The following TNS3 variants were observed in gnomAD, a reference collection of about 807,000 sequenced individuals.
TNS3 encodes the protein tensin-3.
A neutral mutation model predicts 140.9 loss-of-function variants in TNS3; 45 were observed. The ratio of observed to expected loss-of-function variants is 0.32; its 90% CI spans 0.25 to 0.41. The LOEUF is 0.41. Ranked by LOEUF, TNS3 falls within the 10% of genes least tolerant of loss-of-function variation. The pLI is 1.00. For synonymous variants in TNS3, 815 were observed against 788.4 expected (o/e 1.03, Z -0.56); for missense variants, 1,716 against 1,906.7 (o/e 0.90, Z 1.86).
chr7:47,508,888 G>A (rs1194772780), intron 2 of TNS3, among the ~76,000 whole-genome samples: 2 of 152,152 alleles, frequency 1.3e-5, no homozygotes, highest in East Asian at 3.9e-4. Context: ...ACAAACAGCT[G>A]GCCCCAGCTT....
In TNS3 at chr7:47,278,437, G is replaced by C. The variant is rs1480436142; in HGVS notation, c.4194-217C>G. 5 of 564,318 alleles carry C rather than the reference G, an allele frequency of 8.9e-6. No individual in the cohort carries two copies. In the East Asian group the frequency reaches 1.5e-4, roughly 17 times the overall value. The allele number at this position is 564,318 out of a possible 1,614,324, so 35.0% of individuals were successfully genotyped here. On this transcript the variant is annotated intron_variant, in intron 30 of 30. Transcript: ENST00000311160. ...ATGTCTGACTCTAGCTCTGCAGTGA[G>C]GACCCTGAGGCTGAGAGGTGAGTGC...
chr7:47,283,073 G>T (rs1328464600), intron 28 of TNS3, among the ~76,000 whole-genome samples: 1 of 152,176 alleles, frequency 6.6e-6, no homozygotes, highest in African/African-American at 2.4e-5. Flanking sequence ...CAAAATAATT[G>T]CATCTGAAAT....
At chr7:47,471,091 T>A (rs560972888) in intron 4 of TNS3, among the ~76,000 whole-genome samples, 1 of 152,226 alleles carries the variant, frequency 6.6e-6, no homozygotes, top group South Asian at 2.1e-4. Context: ...GGGGCGCAGT[T>A]CCCAGAAACC....
At chr7:47,395,185 G>C (rs1484526471) in intron 16 of TNS3, among the ~76,000 whole-genome samples, 1 of 151,992 alleles carries the variant, frequency 6.6e-6, no homozygotes, top group Non-Finnish European at 1.5e-5. Flanking sequence ...CATGAGACTC[G>C]GCACAGCCAC....
chr7:47,474,545 G>A (rs1174583496), intron 4 of TNS3, among the ~76,000 whole-genome samples: 5 of 129,366 alleles, frequency 3.9e-5, no homozygotes, highest in Non-Finnish European at 8.1e-5. Context: ...ACACACTTCA[G>A]CACAACACAC....
chr7:47,293,648 T>C lies in TNS3; in HGVS notation c.3772+85A>G, dbSNP rs1421808258. ...TATGAGTAAACCACCATAAGAGTGA[T>C]AGTCCCAAATCTCAGGTTGGTGAGC... On this transcript the variant is annotated intron_variant, in intron 25 of 30. Coordinates refer to ENST00000311160, the MANE Select transcript of TNS3 (RefSeq NM_022748.12). 3 of 1,166,458 alleles carry C rather than the reference T, an allele frequency of 2.6e-6. No homozygotes were observed. In the East Asian group the frequency reaches 7.0e-5, roughly 27 times the overall value. The allele number at this position is 1,166,458 out of a possible 1,614,324, so 72.3% of individuals were successfully genotyped here.
At chr7:47,349,276 CA>C (rs1305554039) in intron 17 of TNS3, among the ~76,000 whole-genome samples, 2 of 152,174 alleles carry the variant, frequency 1.3e-5, no homozygotes, top group East Asian at 1.9e-4. Context: ...AAAAAAGTCT[CA>C]AAAAAAATGT....
At chr7:47,536,687 C>A (rs1799610309) in intron 1 of TNS3, among the ~76,000 whole-genome samples, 1 of 152,204 alleles carries the variant, frequency 6.6e-6, no homozygotes, top group African/African-American at 2.4e-5. Context: ...GACGCCCCCA[C>A]TAGGCAAAGC....
At chr7:47,546,076 C>G (rs1799912503) in intron 1 of TNS3, among the ~76,000 whole-genome samples, 1 of 152,198 alleles carries the variant, frequency 6.6e-6, no homozygotes, top group Non-Finnish European at 1.5e-5. Flanking sequence ...CCTGGAGCCT[C>G]CCCCAGGAGG....
At chr7:47,495,084 G>A (rs866010888) in intron 3 of TNS3, among the ~76,000 whole-genome samples, 1 of 151,546 alleles carries the variant, frequency 6.6e-6, no homozygotes. Context: ...CCAGCTACTC[G>A]GGAGGCTGAG....
intron 13 of TNS3, among the ~76,000 whole-genome samples, chr7:47,408,716 C>G (rs1421542450): frequency 6.6e-6 from 1 of 152,230 alleles, no homozygotes; most frequent in African/African-American, 2.4e-5. Flanking sequence ...CCTACAAAAT[C>G]TGGTTTCAAC....
chr7:47,481,681 G>A (rs919079480), intron 3 of TNS3: 102 of 985,320 alleles, frequency 1.0e-4, no homozygotes, highest in Non-Finnish European at 1.2e-4. Flanking sequence ...ACAAGAGACG[G>A]GGAGAGGAGA....
intron 16 of TNS3, among the ~76,000 whole-genome samples, chr7:47,392,275 A>G (rs1406727209): frequency 6.6e-6 from 1 of 152,142 alleles, no homozygotes; most frequent in Admixed American, 6.5e-5. Flanking sequence ...GGCGTTTGTA[A>G]TCACTTGCCC....
At chr7:47,466,754 C>T (rs957879917) in intron 4 of TNS3, among the ~76,000 whole-genome samples, 7 of 152,190 alleles carry the variant, frequency 4.6e-5, no homozygotes, top group African/African-American at 1.7e-4. Flanking sequence ...GGACCAGAGC[C>T]TAGAGCCAGA....
intron 1 of TNS3, among the ~76,000 whole-genome samples, chr7:47,577,522 A>G (rs1049204762): frequency 6.6e-6 from 1 of 152,202 alleles, no homozygotes; most frequent in African/African-American, 2.4e-5. Context: ...TGGGGACTGC[A>G]CAAACCCCTC....
At chr7:47,463,352 G>A (rs965611834) in intron 4 of TNS3, among the ~76,000 whole-genome samples, 4 of 152,228 alleles carry the variant, frequency 2.6e-5, no homozygotes, top group Non-Finnish European at 5.9e-5. Context: ...GCTGGGGCAT[G>A]AGAATCACTT....
At chr7:47,326,910 C>T (rs761996221) in intron 20 of TNS3, among the ~76,000 whole-genome samples, 2 of 152,184 alleles carry the variant, frequency 1.3e-5, no homozygotes, top group African/African-American at 4.8e-5. Context: ...TGTCTCAGAG[C>T]GGCTGCAGTG....
At chr7:47,428,982 A>AG (rs1188680343) in intron 8 of TNS3, among the ~76,000 whole-genome samples, 2 of 152,214 alleles carry the variant, frequency 1.3e-5, no homozygotes, top group African/African-American at 4.8e-5. Context: ...CACCAGCAGG[A>AG]GAAGCAGAAA....
rs143633597 is a variant in TNS3, at chr7:47,391,188, C to G, written c.1024+5612G>C. On this transcript the variant is annotated intron_variant, in intron 16 of 30. Coordinates refer to ENST00000311160, the MANE Select transcript of TNS3 (RefSeq NM_022748.12). Reference sequence around the variant, plus strand: ...TGTCTGCCTTCCCTACCTGCAAGGGCTGTCCTCTTCGTGAATCTCCTTGGA... The same window carrying G: ...TGTCTGCCTTCCCTACCTGCAAGGGGTGTCCTCTTCGTGAATCTCCTTGGA... Among the ~76,000 whole-genome samples the G allele has an allele frequency of 2.2e-3, 330 of 152,340 alleles. 1 individual carries two copies. Among genetic ancestry groups the G allele is most frequent in the African/African-American group, 7.7e-3 (319 of 41,586 alleles).
Sources: gnomAD v4.1 joint callset for allele counts (sites outside exome capture counted in the v4.1 genomes callset) on GRCh38, gnomAD v4.1.1 for gene constraint, MANE v1.5 for transcripts, NCBI Gene and HGNC (gene_info 2026-07-23, HGNC 2026-07-21) for gene names.